BIRC6: variants seen among roughly 807,000 people sequenced by gnomAD.
BIRC6 encodes the protein baculoviral IAP repeat containing 6, also known as dual E2 ubiquitin-conjugating enzyme/E3 ubiquitin-protein ligase BIRC6.
A neutral mutation model predicts 503.3 loss-of-function variants in BIRC6; 98 were observed. The observed-to-expected ratio is 0.19, with a 90% confidence interval of 0.17 to 0.23. The LOEUF (loss-of-function observed/expected upper bound fraction) is 0.23. Among genes scored for constraint, BIRC6 ranks in the 10% least tolerant of loss-of-function variants. The pLI is 1.00. For synonymous variants in BIRC6, 2,240 were observed against 2,078.7 expected (o/e 1.08, Z -2.11); for missense variants, 5,360 against 5,806.0 (o/e 0.92, Z 2.50).
Position 32,480,621 on chromosome 2 carries a change from CTTTTTTTTTTTTTTTTTTTTTT to C in BIRC6, c.7409-683_7409-662del, listed in dbSNP as rs560251664. On this transcript the variant is annotated intron_variant, in intron 37 of 73. Transcript: ENST00000421745. ...CATAACAGAAAAATAAGGTAAATGG[CTTTTTTTTTTTTTTTTTTTTTT>C]TTTTTTTTTTTTTTTGAGACGGAGT... 2.0e-4 allele frequency among the ~76,000 whole-genome samples: 12 copies of C among 60,742 alleles called. No individual in the cohort carries two copies. In the South Asian group the frequency reaches 3.6e-3, roughly 18 times the overall value. 39.8% of individuals were successfully genotyped at this position (60,742 alleles called of 152,430 possible). A position where few individuals can be genotyped will look rare whatever the true frequency, so the allele number is the denominator to read the frequency against.
intron 41 of BIRC6, among the ~76,000 whole-genome samples, 173 bp downstream of exon 41, chr2:32,487,974 T>C (rs895528066): frequency 6.6e-6 from 1 of 152,208 alleles, no homozygotes; most frequent in Non-Finnish European, 1.5e-5. Context: ...TTCTCAATGA[T>C]GGAACATTGA....
rs2042274871 is a variant in BIRC6 at position 32,415,281 on chromosome 2, G to A, written c.1990G>A (p.Val664Ile). ...SKSLHDDGFT[V>I]PQIIEMELDS... is the part of the protein sequence containing the mutation. ...AAGTTTGCATGATGATGGTTTTACTGTTCCACAGATTATTGAAATGGAGCT... is the reference window on the plus strand; with the variant it reads ...AAGTTTGCATGATGATGGTTTTACTATTCCACAGATTATTGAAATGGAGCT... The change falls in exon 10 of 74, where the codon GTT (valine) becomes ATT (isoleucine). Residue 664 changes from valine to isoleucine, a missense_variant. Coordinates refer to ENST00000421745, the MANE Select transcript of BIRC6 (RefSeq NM_016252.4). 1 of 1,614,020 alleles carries A rather than the reference G, an allele frequency of 6.2e-7. No homozygotes were observed. Among genetic ancestry groups the A allele is most frequent in the Non-Finnish European group, 8.5e-7 (1 of 1,179,898 alleles).
At chr2:32,529,228 A>T (rs773641984) in intron 59 of BIRC6, 14 of 154,054 alleles carry the variant, frequency 9.1e-5, no homozygotes, top group Non-Finnish European at 1.6e-4. Context: ...TCTGCCTGCA[A>T]TAAAGTTTTG....
intron 59 of BIRC6, among the ~76,000 whole-genome samples, chr2:32,525,916 G>C (rs1255687592): frequency 6.6e-6 from 1 of 152,102 alleles, no homozygotes; most frequent in Non-Finnish European, 1.5e-5. Flanking sequence ...CATTTAGAGA[G>C]TTCATGACAA....
chr2:32,385,862 T>A lies in BIRC6; in HGVS notation c.646-2888T>A, dbSNP rs975493513. Among the ~76,000 whole-genome samples, 54 of 140,320 alleles carry A rather than the reference T, an allele frequency of 3.8e-4. 1 individual carries two copies. Among genetic ancestry groups the A allele is most frequent in the African/African-American group, 1.3e-3 (52 of 38,882 alleles). 92.1% of individuals were successfully genotyped at this position (140,320 alleles called of 152,430 possible). A position where few individuals can be genotyped will look rare whatever the true frequency, so the allele number is the denominator to read the frequency against. ...AGTAGGCCCACTAAGTACTGTGGCT[T>A]TTGTTTCTGTGGTTGGTGTTACAAG... is the stretch of plus-strand genomic sequence containing the variant. On this transcript the variant is annotated intron_variant, in intron 3 of 73. Transcript: ENST00000421745.
chr2:32,412,330 C>G (rs2041975180), intron 9 of BIRC6, among the ~76,000 whole-genome samples: 2 of 151,836 alleles, frequency 1.3e-5, no homozygotes, highest in Admixed American at 1.3e-4. Flanking sequence ...AAACCCATCT[C>G]TACTAAAAAT....
At chr2:32,424,508 A>G (rs1405413844) in intron 10 of BIRC6, among the ~76,000 whole-genome samples, 17 of 149,206 alleles carry the variant, frequency 1.1e-4, no homozygotes, top group South Asian at 8.4e-4. Context: ...TGGTAATTCT[A>G]TGTTCAACCC....
intron 56 of BIRC6, 54 bp from the exon 57 acceptor site, chr2:32,518,763 C>A: frequency 1.3e-6 from 2 of 1,557,780 alleles, no homozygotes; most frequent in Non-Finnish European, 1.8e-6. Flanking sequence ...TATTTTATAA[C>A]AATATGTATT....
intron 32 of BIRC6, among the ~76,000 whole-genome samples, chr2:32,472,227 C>A (rs1378713264): frequency 6.6e-6 from 1 of 151,994 alleles, no homozygotes; most frequent in Non-Finnish European, 1.5e-5. Flanking sequence ...CCACCACGCC[C>A]GGCTAATTGT....
intron 45 of BIRC6, among the ~76,000 whole-genome samples, chr2:32,497,807 A>G (rs992133682): frequency 2.6e-5 from 4 of 152,020 alleles, no homozygotes; most frequent in African/African-American, 4.8e-5. Context: ...TTTGATCTTT[A>G]TGGCTTAGAT....
intron 57 of BIRC6, among the ~76,000 whole-genome samples, chr2:32,521,646 T>A (rs1430699501): frequency 1.4e-5 from 2 of 145,858 alleles, no homozygotes; most frequent in Admixed American, 6.9e-5. Flanking sequence ...TTTTTGTATT[T>A]TTTTTTTTTT....
chr2:32,515,396 A>G lies in BIRC6; in HGVS notation c.10975A>G (p.Ile3659Val), dbSNP rs770281605. Reference sequence around the variant, plus strand: ...AGAAAGCATTGCCCAGTCAATAGATATTTCCCAGGACAAACTCAGGCGCCA... The same window carrying G: ...AGAAAGCATTGCCCAGTCAATAGATGTTTCCCAGGACAAACTCAGGCGCCA... The part of the protein sequence containing the change: ...SSESIAQSID[I>V]SQDKLRRHHV... The change falls in exon 55 of 74, where the codon ATT becomes GTT. Residue 3659 changes from isoleucine to valine, a missense_variant. Ile to Val is a conservative substitution (Grantham distance 29, BLOSUM62 3). Coordinates refer to ENST00000421745, the MANE Select transcript of BIRC6 (RefSeq NM_016252.4). 4.3e-6 allele frequency: 7 copies of G among 1,613,336 alleles called. No individual in the cohort carries two copies. Among genetic ancestry groups the G allele is most frequent in the Middle Eastern group, 3.3e-4 (2 of 6,062 alleles).
intron 9 of BIRC6, among the ~76,000 whole-genome samples, chr2:32,411,226 C>A (rs1477987186): frequency 6.6e-6 from 1 of 150,836 alleles, no homozygotes; most frequent in Admixed American, 6.6e-5. Context: ...TTAGTAGAGA[C>A]GGGAGTTTCA....
chr2:32,407,734 G>A (rs1013230821), intron 9 of BIRC6, among the ~76,000 whole-genome samples: 5 of 151,776 alleles, frequency 3.3e-5, no homozygotes, highest in Non-Finnish European at 7.4e-5. Flanking sequence ...GACAATTTTG[G>A]GTTAATCTTT....
intron 12 of BIRC6, 125 bp from the exon 13 acceptor site, chr2:32,433,519 T>G: frequency 1.8e-5 from 13 of 736,344 alleles, no homozygotes; most frequent in South Asian, 3.2e-5. Context: ...TTGATCCCAT[T>G]GAGAAACACT....
chr2:32,426,951 A>G (rs75770594), intron 10 of BIRC6, among the ~76,000 whole-genome samples: 2,390 of 152,182 alleles, frequency 0.016, 64 homozygotes, highest in African/African-American at 0.055. Context: ...ATGTCATTCC[A>G]TTGCCTCTGG....
intron 33 of BIRC6, among the ~76,000 whole-genome samples, chr2:32,475,938 T>G (rs566778258): frequency 3.3e-5 from 5 of 152,220 alleles, no homozygotes; most frequent in African/African-American, 9.6e-5. Context: ...TTAAAAAATA[T>G]ATATCGCTCG....
Position 32,531,558 on chromosome 2 carries a change from T to C in BIRC6, c.12291+7T>C. Reference sequence around the variant, plus strand: ...TCCAGAAGTAATTCAACAGGTAAGATAAGATTTCCTAATCGAGTATATCAT... The same window carrying C: ...TCCAGAAGTAATTCAACAGGTAAGACAAGATTTCCTAATCGAGTATATCAT... On this transcript the variant is annotated splice_region_variant and intron_variant, in intron 61 of 73. Coordinates refer to ENST00000421745, the MANE Select transcript of BIRC6 (RefSeq NM_016252.4). 6.3e-7 allele frequency: 1 copy of C among 1,597,966 alleles called. No individual in the cohort carries two copies.
At chr2:32,574,938 G>A (rs2060161994) in intron 65 of BIRC6, 9 of 559,798 alleles carry the variant, frequency 1.6e-5, no homozygotes, top group Non-Finnish European at 2.6e-5. Context: ...AGTAGAGACA[G>A]GGTTTCTACA....
Sources: gnomAD v4.1 joint callset for allele counts (sites outside exome capture counted in the v4.1 genomes callset) on GRCh38, gnomAD v4.1.1 for gene constraint, MANE v1.5 for transcripts, NCBI Gene and HGNC (gene_info 2026-07-23, HGNC 2026-07-21) for gene names.